The following GRK2 variants were observed in gnomAD, a reference collection of about 807,000 sequenced individuals.
The protein encoded by GRK2 is adrenergic beta receptor kinase 1.
Under a neutral mutation model 97.8 loss-of-function variants are expected in GRK2, and 23 were observed. The observed-to-expected ratio is 0.24, with a 90% confidence interval of 0.17 to 0.33. The LOEUF (loss-of-function observed/expected upper bound fraction) is 0.33, where lower values mean the gene tolerates loss of function less well. Ranked by LOEUF, GRK2 falls within the 10% of genes least tolerant of loss-of-function variation. The pLI is 1.00. For synonymous variants in GRK2, 425 were observed against 381.7 expected (o/e 1.11, Z -1.32); for missense variants, 633 against 956.9 (o/e 0.66, Z 4.47).
chr11:67,285,260 G>A (rs2136506980), intron 20 of GRK2, 26 bp from the exon 21 acceptor site: 1 of 1,609,502 alleles, frequency 6.2e-7, no homozygotes, highest in Non-Finnish European at 8.5e-7. Flanking sequence ...AGCCCCAGCT[G>A]ACAGAGCTGG....
chr11:67,279,205 C>T lies in GRK2; in HGVS notation c.196C>T (p.Leu66=). Residue 66 remains leucine (L), a synonymous_variant, in exon 3 of 21, where the codon CTG becomes TTG. Coordinates refer to ENST00000308595, the MANE Select transcript of GRK2 (RefSeq NM_001619.5). ...EKIFSQKLGY[L]LFRDFCLNHL... ...CCTTACACTGTTGCCTTCAGGGTAC[C>T]TGCTCTTCCGAGACTTCTGCCTGAA... 1 of 1,613,126 alleles carries T rather than the reference C, an allele frequency of 6.2e-7. No individual in the cohort carries two copies. Among genetic ancestry groups the T allele is most frequent in the Non-Finnish European group, 8.5e-7 (1 of 1,179,846 alleles).
intron 1 of GRK2, among the ~76,000 whole-genome samples, chr11:67,272,229 G>T (rs929459255): frequency 2.6e-5 from 4 of 152,204 alleles, no homozygotes; most frequent in African/African-American, 9.7e-5. Context: ...CACAAGTCAG[G>T]GTCCTCTGAG....
At chr11:67,279,143 T>A (rs1225225330) in intron 2 of GRK2, 57 bp from the exon 3 acceptor site, 1 of 1,453,766 alleles carries the variant, frequency 6.9e-7, no homozygotes, top group Non-Finnish European at 9.6e-7. Context: ...CCATCCACAA[T>A]GATGGGAAGG....
chr11:67,282,702 C>T lies in GRK2; in HGVS notation c.1161-50C>T, dbSNP rs1565068070. ...CAGCTCATCCATGCTGCCTGCCTCCCTTTCCCCATTCCTGTCCTTTGACAT... is the reference window on the plus strand; with the variant it reads ...CAGCTCATCCATGCTGCCTGCCTCCTTTTCCCCATTCCTGTCCTTTGACAT... On this transcript the variant is annotated intron_variant, in intron 13 of 20. Coordinates refer to ENST00000308595, the MANE Select transcript of GRK2 (RefSeq NM_001619.5). The surrounding 1 kb of genome is among the most constrained non-coding windows in gnomAD (Gnocchi z 6.9). The T allele has an allele frequency of 1.2e-6, 2 of 1,603,890 alleles. No homozygotes were observed. Among genetic ancestry groups the T allele is most frequent in the Non-Finnish European group, 1.7e-6 (2 of 1,174,908 alleles).
chr11:67,278,141 C>T (rs1289108030), intron 2 of GRK2, among the ~76,000 whole-genome samples: 37 of 152,248 alleles, frequency 2.4e-4, no homozygotes, highest in Admixed American at 2.4e-3. Flanking sequence ...CTGTCAGAGT[C>T]AGATGGGAGC....
In GRK2 at chr11:67,281,452, C is replaced by T. The variant is rs1860149319; in HGVS notation, c.648-7C>T. Reference sequence around the variant, plus strand: ...GTGGGTGTTGACTGCCGACCTCTGCCCCGTAGGTACGCCATGAAGTGCCTG... The same window carrying T: ...GTGGGTGTTGACTGCCGACCTCTGCTCCGTAGGTACGCCATGAAGTGCCTG... On this transcript the variant is annotated splice_polypyrimidine_tract_variant and splice_region_variant and intron_variant, in intron 8 of 20. Transcript: ENST00000308595. The surrounding 1 kb of genome is among the most constrained non-coding windows in gnomAD (Gnocchi z 5.7). 16 of 1,613,014 alleles carry T rather than the reference C, an allele frequency of 9.9e-6. No homozygotes were observed. The highest frequency in any genetic ancestry group is 1.4e-5 in the Non-Finnish European group (16 of 1,179,670).
At chr11:67,272,078 CAT>C (rs1409520076) in intron 1 of GRK2, among the ~76,000 whole-genome samples, 1 of 152,218 alleles carries the variant, frequency 6.6e-6, no homozygotes, top group Non-Finnish European at 1.5e-5. Flanking sequence ...ATCACTGTCA[CAT>C]GAGGGGCACA....
chr11:67,277,080 C>T (rs1860046562), intron 1 of GRK2, 192 bp from the exon 2 acceptor site: 2 of 503,568 alleles, frequency 4.0e-6, no homozygotes, highest in Admixed American at 3.6e-5. Context: ...CTGGCGGGGG[C>T]GGTGCAGGCA....
chr11:67,284,374 G>C lies in GRK2; in HGVS notation c.1654+1G>C. On this transcript the variant is annotated splice_donor_variant, in intron 18 of 20. Coordinates refer to ENST00000308595, the MANE Select transcript of GRK2 (RefSeq NM_001619.5). LOFTEE classifies it high-confidence loss of function. Reference sequence around the variant, plus strand: ...AACAAGCAGCTGGGCCATGAGGAAGGTGAGGGTCGCCGGCTGCTGCGGCAC... The same window carrying C: ...AACAAGCAGCTGGGCCATGAGGAAGCTGAGGGTCGCCGGCTGCTGCGGCAC... 6.2e-7 allele frequency: 1 copy of C among 1,611,838 alleles called. No homozygotes were observed. The highest frequency in any genetic ancestry group is 8.5e-7 in the Non-Finnish European group (1 of 1,179,680).
Position 67,285,274 on chromosome 11 carries a change from T to C in GRK2, c.1906-12T>C. On this transcript the variant is annotated splice_polypyrimidine_tract_variant and intron_variant, in intron 20 of 20. Transcript: ENST00000308595. ...GAGCCCCAGCTGACAGAGCTGGGCT[T>C]GGCATGTGCAGAGCGACCCTGAGCT... The C allele has an allele frequency of 1.2e-6, 2 of 1,608,836 alleles. No individual in the cohort carries two copies. The highest frequency in any genetic ancestry group is 2.2e-5 in the South Asian group (2 of 90,672).
Position 67,282,797 on chromosome 11 carries a change from C to A in GRK2, c.1206C>A (p.Ile402=). The A allele has an allele frequency of 6.2e-7, 1 of 1,610,338 alleles. No homozygotes were observed. Among genetic ancestry groups the A allele is most frequent in the East Asian group, 2.2e-5 (1 of 44,846 alleles). ...ACAAGACCAAAGACAAGCATGAGAT[C>A]GACCGCATGACGCTGACGATGGTGG... The part of the protein sequence containing the change: ...RQHKTKDKHE[I]DRMTLTMAVE... Residue 402 remains isoleucine (I), a synonymous_variant, in exon 14 of 21, where the codon ATC becomes ATA. Transcript: ENST00000308595. The surrounding 1 kb of genome is among the most constrained non-coding windows in gnomAD (Gnocchi z 6.9).
rs3730310 is a variant in GRK2 at position 67,279,929 on chromosome 11, G to C, written c.503+29G>C. On this transcript the variant is annotated intron_variant, in intron 6 of 20. Transcript: ENST00000308595. The stretch of plus-strand genomic sequence containing the variant: ...AGAGCAGGGAAGTGTGGGAGAGGAA[G>C]GGGGAGGGAGGGGCCGCTCTCAGAA... 25,647 of 1,605,810 alleles carry C rather than the reference G, an allele frequency of 0.016. 3,605 individuals carry two copies. In the African/African-American group the frequency reaches 0.3, roughly 19 times the overall value.
chr11:67,286,259 AG>A lies in GRK2; in HGVS notation c.*811del. The A allele has an allele frequency of 3.3e-6, 2 of 604,978 alleles. No homozygotes were observed. Among genetic ancestry groups the A allele is most frequent in the Non-Finnish European group, 5.9e-6 (2 of 339,348 alleles). The allele number at this position is 604,978 out of a possible 1,614,324, so 37.5% of individuals were successfully genotyped here. The stretch of plus-strand genomic sequence containing the variant: ...GGCCAGGTGGGCGGGCAGCACAGCA[AG>A]GAGGCTGGCTGGGGCCTATCAGTGT... On this transcript the variant is annotated 3_prime_UTR_variant, in exon 21 of 21. Coordinates refer to ENST00000308595, the MANE Select transcript of GRK2 (RefSeq NM_001619.5).
Position 67,266,675 on chromosome 11 carries a change from G to GGGA in GRK2, c.-19_-17dup. On this transcript the variant is annotated 5_prime_UTR_variant, in exon 1 of 21. Coordinates refer to ENST00000308595, the MANE Select transcript of GRK2 (RefSeq NM_001619.5). ...GAGCGGCGGCGGCGGCGGCGGCGGC[G>GGGA]GGAGGAGGCAGCGCCGCCGCCAAGA... is the stretch of plus-strand genomic sequence containing the variant. The GGGA allele has an allele frequency of 1.8e-6, 2 of 1,085,154 alleles. No individual in the cohort carries two copies. The highest frequency in any genetic ancestry group is 1.7e-5 in the African/African-American group (1 of 58,808). The allele number at this position is 1,085,154 out of a possible 1,614,324, so 67.2% of individuals were successfully genotyped here. A position where few individuals can be genotyped will look rare whatever the true frequency, so the allele number is the denominator to read the frequency against.
At chr11:67,283,999 G>C in intron 17 of GRK2, 50 bp downstream of exon 17, 13 of 1,519,756 alleles carry the variant, frequency 8.6e-6, no homozygotes, top group South Asian at 3.5e-5. Flanking sequence ...TCCTGGCCTG[G>C]GGAAGGATCC....
chr11:67,284,679 C>G, intron 18 of GRK2, 168 bp from the exon 19 acceptor site: 8 of 957,928 alleles, frequency 8.4e-6, no homozygotes, highest in Non-Finnish European at 1.2e-5. Context: ...CTCCCAGCTA[C>G]CCGGGAGGCT....
At position 67,285,774 on chromosome 11, in the gene GRK2, G is replaced by T; in HGVS notation, c.*324G>T. On this transcript the variant is annotated 3_prime_UTR_variant, in exon 21 of 21. Transcript: ENST00000308595. Reference sequence around the variant, plus strand: ...CCCTGGGCTCTGTGGGCTGCACTCTGTGCCCATGGGCACTGCTGGGTGGCC... The same window carrying T: ...CCCTGGGCTCTGTGGGCTGCACTCTTTGCCCATGGGCACTGCTGGGTGGCC... 1 of 367,868 alleles carries T rather than the reference G, an allele frequency of 2.7e-6. No homozygotes were observed. The highest frequency in any genetic ancestry group is 4.5e-5 in the South Asian group (1 of 22,036). 22.8% of individuals were successfully genotyped at this position (367,868 alleles called of 1,614,324 possible).
In GRK2 at chr11:67,276,910, C is replaced by T. The variant is rs977673903; in HGVS notation, c.114-362C>T. The T allele has an allele frequency of 1.1e-5, 2 of 189,234 alleles. No homozygotes were observed. Among genetic ancestry groups the T allele is most frequent in the Non-Finnish European group, 2.2e-5 (2 of 90,490 alleles). 11.7% of individuals were successfully genotyped at this position (189,234 alleles called of 1,614,324 possible). A position where few individuals can be genotyped will look rare whatever the true frequency, so the allele number is the denominator to read the frequency against. On this transcript the variant is annotated intron_variant, in intron 1 of 20. Transcript: ENST00000308595. The surrounding 1 kb of genome is among the most constrained non-coding windows in gnomAD (Gnocchi z 4.2). ...CATGTGCTGCTGCGTGGAGATGCCACATGTGTGTCTTTTCATCCGCTCACA... is the reference window on the plus strand; with the variant it reads ...CATGTGCTGCTGCGTGGAGATGCCATATGTGTGTCTTTTCATCCGCTCACA...
rs142560126 is a variant in GRK2, at chr11:67,282,516, G to A, written c.1134G>A (p.Gly378=). Residue 378 remains glycine, a synonymous_variant, in exon 13 of 21, where the codon GGG becomes GGA. Transcript: ENST00000308595. The surrounding 1 kb of genome is among the most constrained non-coding windows in gnomAD (Gnocchi z 6.9). ...YDSSADWFSL[G]CMLFKLLRGH... Reference sequence around the variant, plus strand: ...GCAGTGCCGACTGGTTCTCTCTGGGGTGCATGCTCTTCAAGTTGCTGCGGG... The same window carrying A: ...GCAGTGCCGACTGGTTCTCTCTGGGATGCATGCTCTTCAAGTTGCTGCGGG... The A allele has an allele frequency of 1.2e-6, 2 of 1,613,598 alleles. No homozygotes were observed. The highest frequency in any genetic ancestry group is 1.3e-5 in the African/African-American group (1 of 74,938).
Sources: gnomAD v4.1 joint callset for allele counts (sites outside exome capture counted in the v4.1 genomes callset) on GRCh38, gnomAD v4.1.1 for gene constraint, Gnocchi (gnomAD v3.1) non-coding constraint, MANE v1.5 for transcripts, NCBI Gene and HGNC (gene_info 2026-07-23, HGNC 2026-07-21) for gene names.